ANKRD31: variants seen among roughly 807,000 people sequenced by gnomAD.
ANKRD31 encodes ankyrin repeat domain 31.
ANKRD31 carries 147 observed loss-of-function variants against 186.0 expected under a neutral mutation model. That is an observed-to-expected ratio of 0.79 (90% CI 0.69 to 0.91). The LOEUF (loss-of-function observed/expected upper bound fraction) is 0.91, where lower values mean the gene tolerates loss of function less well. ANKRD31 is among the 40% of genes least tolerant of loss of function. The pLI, the probability that ANKRD31 is intolerant of heterozygous loss-of-function variation, is 0.00. For synonymous variants in ANKRD31, 673 were observed against 736.4 expected (o/e 0.91, Z 1.39); for missense variants, 1,986 against 2,148.8 (o/e 0.92, Z 1.50).
In ANKRD31 at chr5:75,091,939, G is replaced by A. The variant is rs114259869; in HGVS notation, c.5332-538C>T. The stretch of plus-strand genomic sequence containing the variant: ...CAATCACCCTTGCCTTGGCTTGTAA[G>A]GTGGTGGTTTCACATTGGGAGAGGC... On this transcript the variant is annotated intron_variant, in intron 22 of 25. Coordinates refer to ENST00000506364, the MANE Select transcript of ANKRD31 (RefSeq NM_001372053.1). Among the ~76,000 whole-genome samples, 573 of 152,188 alleles carry A rather than the reference G, an allele frequency of 3.8e-3. 2 individuals are homozygous for A. The highest frequency in any genetic ancestry group is 0.012 in the African/African-American group (490 of 41,528).
chr5:75,134,503 G>T (rs1561462102), intron 17 of ANKRD31, among the ~76,000 whole-genome samples: 3 of 152,144 alleles, frequency 2.0e-5, no homozygotes, highest in African/African-American at 7.2e-5. Context: ...AACAGGCTCT[G>T]AAATTGAGGC....
chr5:75,202,570 C>T (rs1195083562), intron 5 of ANKRD31, among the ~76,000 whole-genome samples: 2 of 152,142 alleles, frequency 1.3e-5, no homozygotes, highest in Non-Finnish European at 2.9e-5. Context: ...AACTTATACA[C>T]AAAATTTAAC....
intron 2 of ANKRD31, among the ~76,000 whole-genome samples, chr5:75,223,997 C>T (rs900509676): frequency 6.6e-6 from 1 of 151,746 alleles, no homozygotes; most frequent in Non-Finnish European, 1.5e-5. Flanking sequence ...GATTTCTCAT[C>T]CTCCAGAACT....
chr5:75,190,718 ATTG>A (rs1228858062), intron 9 of ANKRD31, among the ~76,000 whole-genome samples: 2 of 151,004 alleles, frequency 1.3e-5, no homozygotes, highest in Non-Finnish European at 3.0e-5. Flanking sequence ...TTAATTAATT[ATTG>A]TTATTATTAT....
chr5:75,114,704 T>C (rs975683647), intron 19 of ANKRD31, among the ~76,000 whole-genome samples: 5 of 152,144 alleles, frequency 3.3e-5, no homozygotes, highest in Non-Finnish European at 7.4e-5. Context: ...TTACAAGGGA[T>C]GTGAAGGACC....
At chr5:75,096,470 G>T (rs752101897) in intron 22 of ANKRD31, among the ~76,000 whole-genome samples, 2 of 151,848 alleles carry the variant, frequency 1.3e-5, no homozygotes, top group African/African-American at 4.8e-5. Context: ...TTGCCTGTTC[G>T]CTCTAATGAT....
intron 22 of ANKRD31, among the ~76,000 whole-genome samples, chr5:75,093,848 T>A (rs1043574693): frequency 5.9e-5 from 9 of 152,068 alleles, no homozygotes; most frequent in Admixed American, 3.9e-4. Flanking sequence ...AAACAAAAAC[T>A]GAGAGACTGA....
intron 25 of ANKRD31, among the ~76,000 whole-genome samples, chr5:75,071,315 A>G: frequency 6.7e-6 from 1 of 148,544 alleles, no homozygotes; most frequent in Middle Eastern, 3.6e-3. Context: ...AATATTTAAT[A>G]ATATTTAATA....
Position 75,206,447 on chromosome 5 carries a change from G to C in ANKRD31, c.367C>G (p.Gln123Glu), listed in dbSNP as rs1466214275. 7.4e-6 allele frequency: 11 copies of C among 1,481,140 alleles called. No individual in the cohort carries two copies. Among genetic ancestry groups the C allele is most frequent in the Non-Finnish European group, 8.9e-6 (10 of 1,122,606 alleles). The allele number at this position is 1,481,140 out of a possible 1,614,324, so 91.7% of individuals were successfully genotyped here. ...TGGTGGTTCAATGAAAGTCCAGACT[G>C]GCGAAACGACCCAATGAACATTGAA... is the stretch of plus-strand genomic sequence containing the variant. ...NCSMFIGSFR[Q>E]SGLSLNHQNI... Residue 123 changes from glutamine (Q) to glutamate (E), a missense_variant, in exon 5 of 26, where the codon CAG becomes GAG. Coordinates refer to ENST00000506364, the MANE Select transcript of ANKRD31 (RefSeq NM_001372053.1).
Position 75,236,842 on chromosome 5 carries a change from G to A in ANKRD31, c.-156C>T, listed in dbSNP as rs1580615112. The A allele has an allele frequency of 1.7e-6, 1 of 604,288 alleles. No individual in the cohort carries two copies. The highest frequency in any genetic ancestry group is 2.6e-6 in the Non-Finnish European group (1 of 383,362). 37.4% of individuals were successfully genotyped at this position (604,288 alleles called of 1,614,324 possible). A position where few individuals can be genotyped will look rare whatever the true frequency, so the allele number is the denominator to read the frequency against. ...GACTTGTCGCAGGGCTGCTGAGGAG[G>A]ACGCAGGCGGCCGCGAGCGCGGCGG... On this transcript the variant is annotated 5_prime_UTR_variant, in exon 1 of 26. Transcript: ENST00000506364.
chr5:75,222,474 T>C, intron 2 of ANKRD31, 116 bp from the exon 3 acceptor site: 1 of 745,842 alleles, frequency 1.3e-6, no homozygotes, highest in Non-Finnish European at 2.0e-6. Flanking sequence ...AGTATATTAT[T>C]TCTTTTTTCA....
chr5:75,190,965 T>C (rs1274859344), intron 9 of ANKRD31, among the ~76,000 whole-genome samples: 1 of 152,104 alleles, frequency 6.6e-6, no homozygotes, highest in Non-Finnish European at 1.5e-5. Flanking sequence ...TATATTTCCA[T>C]ACAATTTTTT....
At position 75,169,022 on chromosome 5, in the gene ANKRD31, T is replaced by C. The variant is rs367576353; in HGVS notation, c.1664A>G (p.Gln555Arg). ...CACTGCATCATGTAGGGGAGTAATCTGGTATAATCCTTTGATATTTACATC... is the reference window on the plus strand; with the variant it reads ...CACTGCATCATGTAGGGGAGTAATCCGGTATAATCCTTTGATATTTACATC... Reference protein sequence around the residue: ...GADVNIKGLYQITPLHDAVMN... With the variant: ...GADVNIKGLYRITPLHDAVMN... Residue 555 changes from glutamine (Q) to arginine (R), a missense_variant, in exon 11 of 26, where the codon CAG (glutamine) becomes CGG (arginine). Physicochemically the swap from Gln to Arg is conservative, Grantham distance 43. Transcript: ENST00000506364. 3.3e-6 allele frequency: 5 copies of C among 1,536,516 alleles called. No homozygotes were observed. Among genetic ancestry groups the C allele is most frequent in the Non-Finnish European group, 4.4e-6 (5 of 1,146,364 alleles).
chr5:75,193,224 G>C, intron 8 of ANKRD31, 87 bp downstream of exon 8: 1 of 1,380,080 alleles, frequency 7.2e-7, no homozygotes, highest in South Asian at 1.5e-5. Flanking sequence ...TGTGTTAACT[G>C]TATACTGACC....
intron 17 of ANKRD31, among the ~76,000 whole-genome samples, chr5:75,120,344 G>A (rs1170394010): frequency 6.6e-6 from 1 of 152,114 alleles, no homozygotes; most frequent in Admixed American, 6.5e-5. Context: ...TCAGTGAGCT[G>A]TGTGATAGTG....
intron 4 of ANKRD31, 53 bp downstream of exon 4, chr5:75,210,775 C>T: frequency 3.9e-6 from 5 of 1,296,504 alleles, no homozygotes; most frequent in African/African-American, 1.5e-5. Flanking sequence ...CTTAGATGTG[C>T]AAAATGACAA....
intron 17 of ANKRD31, among the ~76,000 whole-genome samples, chr5:75,136,455 C>T (rs1580408352): frequency 2.0e-5 from 3 of 152,086 alleles, no homozygotes; most frequent in Admixed American, 6.5e-5. Context: ...AAATCAAAAC[C>T]ACAATGAGTT....
chr5:75,212,178 G>A (rs991738269), intron 3 of ANKRD31, among the ~76,000 whole-genome samples: 2 of 152,134 alleles, frequency 1.3e-5, no homozygotes, highest in African/African-American at 4.8e-5. Flanking sequence ...TGAAGAGAAA[G>A]AGAAGTGCTC....
intron 22 of ANKRD31, among the ~76,000 whole-genome samples, chr5:75,097,166 C>T (rs1302604206): frequency 2.6e-5 from 4 of 152,110 alleles, no homozygotes; most frequent in Non-Finnish European, 5.9e-5. Flanking sequence ...ATCCTTTGGG[C>T]ATATACCCAG....
Sources: gnomAD v4.1 joint callset for allele counts (sites outside exome capture counted in the v4.1 genomes callset) on GRCh38, gnomAD v4.1.1 for gene constraint, MANE v1.5 for transcripts, NCBI Gene and HGNC (gene_info 2026-07-23, HGNC 2026-07-21) for gene names.